The following XRCC1 variants were observed in gnomAD, a reference collection of about 807,000 sequenced individuals.
The protein encoded by XRCC1 is DNA repair protein XRCC1.
In XRCC1, 52 loss-of-function variants were observed where a neutral mutation model predicts 83.3. The ratio of observed to expected loss-of-function variants is 0.62; its 90% CI spans 0.50 to 0.79. The LOEUF (loss-of-function observed/expected upper bound fraction) is 0.79, where lower values mean the gene tolerates loss of function less well. XRCC1 is among the 30% of genes least tolerant of loss of function. XRCC1 has a pLI of 0.00. For missense variants in XRCC1, 793 were observed against 823.5 expected, an observed-to-expected ratio of 0.96 and a Z score of 0.45; for synonymous variants, 281 against 312.6, an observed-to-expected ratio of 0.90 and a Z score of 1.07.
At chr19:43,567,317 TTA>T (rs1972763670) in intron 2 of XRCC1, among the ~76,000 whole-genome samples, 1 of 151,982 alleles carries the variant, frequency 6.6e-6, no homozygotes, top group East Asian at 1.9e-4. Context: ...ATTTATTTAT[TTA>T]TGTTTTTTGT....
chr19:43,553,114 C>A, intron 6 of XRCC1, 23 bp from the exon 7 acceptor site: 1 of 1,552,426 alleles, frequency 6.4e-7, no homozygotes, highest in Non-Finnish European at 8.7e-7. Flanking sequence ...AAAGTGGATC[C>A]AGGATGAGAG....
intron 9 of XRCC1, 86 bp from the exon 10 acceptor site, chr19:43,551,773 A>T: frequency 8.7e-7 from 1 of 1,143,420 alleles, no homozygotes; most frequent in East Asian, 2.3e-5. Flanking sequence ...ACAGAGAGAG[A>T]GAGAGACAGA....
intron 2 of XRCC1, among the ~76,000 whole-genome samples, chr19:43,572,667 C>T (rs1474602997): frequency 2.0e-5 from 3 of 152,112 alleles, no homozygotes; most frequent in Admixed American, 6.6e-5. Context: ...TGGCAAAACT[C>T]GGTCTCTATT....
intron 3 of XRCC1, among the ~76,000 whole-genome samples, chr19:43,557,022 A>C (rs904536685): frequency 2.6e-4 from 39 of 151,164 alleles, no homozygotes; most frequent in South Asian, 4.2e-4. Context: ...AAAACGAAAC[A>C]AAAAGACTGG....
At chr19:43,548,162 CGCCTCCGCCCGG>C (rs1972536180) in intron 10 of XRCC1, among the ~76,000 whole-genome samples, 1 of 149,686 alleles carries the variant, frequency 6.7e-6, no homozygotes. Flanking sequence ...AGGTGGGGGG[CGCCTCCGCCCGG>C]CCGCCGCCCC....
In XRCC1 at chr19:43,553,454, T is replaced by G. The variant is rs56357789; in HGVS notation, c.548A>C (p.Asn183Thr). Residue 183 changes from asparagine to threonine, a missense_variant, in exon 6 of 17, where the codon AAC becomes ACC. Transcript: ENST00000262887. Reference protein sequence around the residue: ...FRVKEEDESANSLRPGALFFS... With the variant: ...FRVKEEDESATSLRPGALFFS... ...GAAGAGAGCCCCCGGCCTCAGAGAG[T>G]TGGCGCTCTCATCCTCCTCCTTCAC... 2 of 1,613,916 alleles carry G rather than the reference T, an allele frequency of 1.2e-6. No individual in the cohort carries two copies. The highest frequency in any genetic ancestry group is 1.7e-6 in the Non-Finnish European group (2 of 1,179,976).
In XRCC1 at chr19:43,552,078, T is replaced by C; in HGVS notation, c.1021A>G (p.Lys341Glu). ...TACTTGGCCCCAAGCTCTAGGGCCT[T>C]ATCTCGCAGCTCGGAGCGGAAGGGG... ...QNPFRSELRD[K>E]ALELGAKYRP... Residue 341 changes from lysine (K) to glutamate (E), a missense_variant, in exon 9 of 17, where the codon AAG becomes GAG. Transcript: ENST00000262887. 1 of 1,614,062 alleles carries C rather than the reference T, an allele frequency of 6.2e-7. No homozygotes were observed. Among genetic ancestry groups the C allele is most frequent in the Non-Finnish European group, 8.5e-7 (1 of 1,179,990 alleles).
intron 2 of XRCC1, among the ~76,000 whole-genome samples, chr19:43,564,750 T>C (rs1450195435): frequency 6.6e-6 from 1 of 151,492 alleles, no homozygotes; most frequent in Non-Finnish European, 1.5e-5. Context: ...ATCACACCAC[T>C]GCACTCCAGC....
intron 4 of XRCC1, among the ~76,000 whole-genome samples, chr19:43,554,274 C>T (rs1173617316): frequency 6.6e-6 from 1 of 152,180 alleles, no homozygotes; most frequent in Admixed American, 6.5e-5. Flanking sequence ...GAGCGTAAGT[C>T]ACTTGCCCAA....
rs72554203 is a variant in XRCC1, at chr19:43,546,006, C to G, written c.1481+46G>C. On this transcript the variant is annotated intron_variant, in intron 13 of 16. Coordinates refer to ENST00000262887, the MANE Select transcript of XRCC1 (RefSeq NM_006297.3). The stretch of plus-strand genomic sequence containing the variant: ...GAGTGAGCATGCAGAGCAGCCTCCC[C>G]TACACCCAAGGCCAGGGACACCCCA... 484 of 1,613,746 alleles carry G rather than the reference C, an allele frequency of 3.0e-4. 3 individuals are homozygous for G. The African/African-American group carries it at 6.1e-3, about 20-fold the overall frequency.
intron 2 of XRCC1, among the ~76,000 whole-genome samples, chr19:43,566,212 G>A (rs1972750873): frequency 6.6e-6 from 1 of 151,714 alleles, no homozygotes; most frequent in African/African-American, 2.4e-5. Flanking sequence ...CTCCAGCCTG[G>A]GTGACAGAGT....
chr19:43,557,465 CT>C (rs1972649788), intron 3 of XRCC1, among the ~76,000 whole-genome samples: 1 of 152,050 alleles, frequency 6.6e-6, no homozygotes, highest in South Asian at 2.1e-4. Flanking sequence ...CTATAGCTCT[CT>C]TTGTGCACAG....
At chr19:43,559,858 T>A (rs1284604508) in intron 3 of XRCC1, among the ~76,000 whole-genome samples, 1 of 151,498 alleles carries the variant, frequency 6.6e-6, no homozygotes, top group Admixed American at 6.6e-5. Flanking sequence ...GGTGGGTGGA[T>A]CACTTGAGCC....
rs1459425145 is a variant in XRCC1 at position 43,555,702 on chromosome 19, G to A, written c.256-898C>T. Reference sequence around the variant, plus strand: ...CCTGGGAGTGGTAGCTACTCCCTGCGGTTGCTTCTCCCTCATATCTTAGTC... The same window carrying A: ...CCTGGGAGTGGTAGCTACTCCCTGCAGTTGCTTCTCCCTCATATCTTAGTC... On this transcript the variant is annotated intron_variant, in intron 3 of 16. Coordinates refer to ENST00000262887, the MANE Select transcript of XRCC1 (RefSeq NM_006297.3). Among the ~76,000 whole-genome samples, 4 of 152,136 alleles carry A rather than the reference G, an allele frequency of 2.6e-5. No individual in the cohort carries two copies. In the East Asian group the frequency reaches 7.7e-4, roughly 29 times the overall value.
Position 43,548,766 on chromosome 19 carries a change from C to CAAAAAAAAAAAAAAAAAAAAAA in XRCC1, c.1200-1790_1200-1789insTTTTTTTTTTTTTTTTTTTTTT, listed in dbSNP as rs60740505. ...TCTGTGAGAAACACCCAAGAATGAT[C>CAAAAAAAAAAAAAAAAAAAAAA]AAAAAAAAAAAAAAAAAAAACACAA... On this transcript the variant is annotated intron_variant, in intron 10 of 16. Coordinates refer to ENST00000262887, the MANE Select transcript of XRCC1 (RefSeq NM_006297.3). Among the ~76,000 whole-genome samples the CAAAAAAAAAAAAAAAAAAAAAA allele has an allele frequency of 1.8e-3, 119 of 64,510 alleles. 7 individuals carry two copies. Among genetic ancestry groups the CAAAAAAAAAAAAAAAAAAAAAA allele is most frequent in the Non-Finnish European group, 2.5e-3 (81 of 32,548 alleles). 42.3% of individuals were successfully genotyped at this position (64,510 alleles called of 152,430 possible). A position where few individuals can be genotyped will look rare whatever the true frequency, so the allele number is the denominator to read the frequency against.
intron 10 of XRCC1, among the ~76,000 whole-genome samples, chr19:43,548,549 T>G (rs909236984): frequency 6.6e-6 from 1 of 152,104 alleles, no homozygotes; most frequent in Admixed American, 6.5e-5. Flanking sequence ...CAAGATGTGC[T>G]TTGTTAAACA....
At chr19:43,556,678 G>T (rs1040804018) in intron 3 of XRCC1, among the ~76,000 whole-genome samples, 9 of 151,996 alleles carry the variant, frequency 5.9e-5, no homozygotes, top group African/African-American at 2.2e-4. Flanking sequence ...GGTGGCAGAC[G>T]CCTGTTGTCC....
chr19:43,552,668 C>G, intron 8 of XRCC1, 129 bp downstream of exon 8: 1 of 898,568 alleles, frequency 1.1e-6, no homozygotes, highest in East Asian at 2.6e-5. Flanking sequence ...AGCCCCTCCT[C>G]CCTCAGACCC....
At chr19:43,567,584 T>C (rs1972766203) in intron 2 of XRCC1, among the ~76,000 whole-genome samples, 2 of 152,184 alleles carry the variant, frequency 1.3e-5, no homozygotes, top group South Asian at 4.1e-4. Flanking sequence ...AGTGCTGGGA[T>C]TACAGGTGTG....
Sources: gnomAD v4.1 joint callset for allele counts (sites outside exome capture counted in the v4.1 genomes callset) on GRCh38, gnomAD v4.1.1 for gene constraint, MANE v1.5 for transcripts, NCBI Gene and HGNC (gene_info 2026-07-23, HGNC 2026-07-21) for gene names.